RAPGEF2: variants seen among roughly 807,000 people sequenced by gnomAD.
RAPGEF2 encodes the protein Rap guanine nucleotide exchange factor 2, also known as PDZ domain containing guanine nucleotide exchange factor (GEF) 1.
In RAPGEF2, 54 loss-of-function variants were observed where a neutral mutation model predicts 186.7. The ratio of observed to expected loss-of-function variants is 0.29; its 90% CI spans 0.23 to 0.36. The LOEUF (loss-of-function observed/expected upper bound fraction) is 0.36, where lower values mean the gene tolerates loss of function less well. Ranked by LOEUF, RAPGEF2 falls within the 10% of genes least tolerant of loss-of-function variation. The pLI is 1.00. For synonymous variants in RAPGEF2, 712 were observed against 705.9 expected, an observed-to-expected ratio of 1.01 and a Z score of -0.14; for missense variants, 1,532 against 2,045.0, an observed-to-expected ratio of 0.75 and a Z score of 4.84.
intron 4 of RAPGEF2, among the ~76,000 whole-genome samples, chr4:159,227,665 T>G (rs1471284649): frequency 6.6e-6 from 1 of 152,194 alleles, no homozygotes; most frequent in Non-Finnish European, 1.5e-5. Context: ...CAAAGTGTAG[T>G]CATCACACCA....
chr4:159,124,754 C>T (rs190602058), intron 1 of RAPGEF2, among the ~76,000 whole-genome samples: 1 of 152,154 alleles, frequency 6.6e-6, no homozygotes, highest in East Asian at 1.9e-4. Flanking sequence ...TGTAGTAACT[C>T]TAAGAAAGTA....
At chr4:159,152,021 A>G (rs1743597972) in intron 1 of RAPGEF2, among the ~76,000 whole-genome samples, 1 of 152,158 alleles carries the variant, frequency 6.6e-6, no homozygotes, top group African/African-American at 2.4e-5. Flanking sequence ...AAGGTTTTGT[A>G]CTATTTAAAT....
intron 1 of RAPGEF2, among the ~76,000 whole-genome samples, chr4:159,131,839 A>T (rs537921011): frequency 6.6e-6 from 1 of 152,004 alleles, no homozygotes; most frequent in African/African-American, 2.4e-5. Flanking sequence ...CTTTGTTAAT[A>T]CTTAGCCTTT....
At chr4:159,120,059 G>A (rs1442122668) in intron 1 of RAPGEF2, among the ~76,000 whole-genome samples, 1 of 152,074 alleles carries the variant, frequency 6.6e-6, no homozygotes, top group African/African-American at 2.4e-5. Context: ...AGTCTCTGTT[G>A]TCCAGACTGG....
intron 7 of RAPGEF2, among the ~76,000 whole-genome samples, chr4:159,248,090 TTAAA>T (rs1477757594): frequency 6.6e-6 from 1 of 152,182 alleles, no homozygotes; most frequent in Non-Finnish European, 1.5e-5. Context: ...AAATAAAACT[TTAAA>T]TAGCTCTAAT....
chr4:159,223,130 T>A (rs1411695534), intron 4 of RAPGEF2, among the ~76,000 whole-genome samples: 1 of 152,100 alleles, frequency 6.6e-6, no homozygotes, highest in Non-Finnish European at 1.5e-5. Context: ...TTTAAAAGGA[T>A]CTGCAGTTAT....
At chr4:159,168,777 A>G (rs1377392734) in intron 1 of RAPGEF2, among the ~76,000 whole-genome samples, 1 of 152,182 alleles carries the variant, frequency 6.6e-6, no homozygotes, top group African/African-American at 2.4e-5. Context: ...ATGAGAAGTT[A>G]TGGGTATTTA....
At chr4:159,104,542 G>C (rs1431871651) in intron 1 of RAPGEF2, among the ~76,000 whole-genome samples, 1 of 129,960 alleles carries the variant, frequency 7.7e-6, no homozygotes, top group African/African-American at 3.2e-5. Context: ...GACAGAGAGA[G>C]AGAGAGAGAG....
At chr4:159,133,910 G>A (rs1195823898) in intron 1 of RAPGEF2, among the ~76,000 whole-genome samples, 1 of 151,900 alleles carries the variant, frequency 6.6e-6, no homozygotes, top group African/African-American at 2.4e-5. Context: ...ATAGTGATGG[G>A]GTTTCACCAT....
chr4:159,195,878 T>G (rs1423461180), intron 3 of RAPGEF2, among the ~76,000 whole-genome samples: 1 of 42,970 alleles, frequency 2.3e-5, no homozygotes, highest in African/African-American at 2.3e-4. Flanking sequence ...CATACCTGTT[T>G]TTTTTTTTTT....
intron 1 of RAPGEF2, among the ~76,000 whole-genome samples, chr4:159,105,822 G>A (rs918755546): frequency 6.6e-6 from 1 of 152,186 alleles, no homozygotes; most frequent in African/African-American, 2.4e-5. Flanking sequence ...TAAGTGCCAA[G>A]TGAAATTACG....
At chr4:159,145,100 C>T (rs931595509) in intron 1 of RAPGEF2, among the ~76,000 whole-genome samples, 8 of 151,684 alleles carry the variant, frequency 5.3e-5, no homozygotes, top group Non-Finnish European at 1.0e-4. Flanking sequence ...AGGCTGGTCT[C>T]GAACTCCTAG....
chr4:159,319,790 G>T (rs916432429), intron 9 of RAPGEF2, among the ~76,000 whole-genome samples: 2 of 151,136 alleles, frequency 1.3e-5, no homozygotes, highest in Non-Finnish European at 2.9e-5. Flanking sequence ...AATGCTAGCC[G>T]CTACTTATAT....
chr4:159,285,833 G>A lies in RAPGEF2; in HGVS notation c.544-18509G>A, dbSNP rs182249785. Among the ~76,000 whole-genome samples the A allele has an allele frequency of 3.4e-3, 521 of 152,196 alleles. 4 individuals are homozygous for A. Among genetic ancestry groups the A allele is most frequent in the African/African-American group, 0.012 (504 of 41,530 alleles). ...TTGATCATCATTGTTGTACTTGTAT[G>A]TGTTAACTTGTAAGCACTCAATGAG... On this transcript the variant is annotated intron_variant, in intron 7 of 29. Transcript: ENST00000691494.
intron 4 of RAPGEF2, among the ~76,000 whole-genome samples, chr4:159,227,553 G>T (rs1325351480): frequency 6.6e-6 from 1 of 152,224 alleles, no homozygotes; most frequent in Admixed American, 6.5e-5. Context: ...AAAGCACTGT[G>T]ATCAGCAGAG....
At chr4:159,317,002 A>G (rs1286393885) in intron 9 of RAPGEF2, among the ~76,000 whole-genome samples, 2 of 151,518 alleles carry the variant, frequency 1.3e-5, no homozygotes, top group Non-Finnish European at 2.9e-5. Flanking sequence ...CTGTTGTACC[A>G]CTCCCCCAAC....
rs1221269688 is a variant in RAPGEF2, at chr4:159,128,940, G to GTA, written c.69+24710_69+24711insAT. On this transcript the variant is annotated intron_variant, in intron 1 of 29. Transcript: ENST00000691494. ...ATGGGGGGTGTGTGTGTGTGTGTGT[G>GTA]TGTGTATATATATATATATATAAAT... 2.4e-3 allele frequency: 350 copies of GTA among 144,032 alleles called. 1 individual carries two copies. Among genetic ancestry groups the GTA allele is most frequent in the African/African-American group, 8.5e-3 (324 of 38,330 alleles). 8.9% of individuals were successfully genotyped at this position (144,032 alleles called of 1,614,324 possible). A position where few individuals can be genotyped will look rare whatever the true frequency, so the allele number is the denominator to read the frequency against.
At chr4:159,112,456 A>G (rs1454351231) in intron 1 of RAPGEF2, among the ~76,000 whole-genome samples, 8 of 152,176 alleles carry the variant, frequency 5.3e-5, no homozygotes, top group Admixed American at 6.5e-5. Context: ...AAAAAATAAA[A>G]TCAGAAGGAA....
At position 159,219,800 on chromosome 4, in the gene RAPGEF2, C is replaced by T. The variant is rs115381072; in HGVS notation, c.281+9217C>T. 9.1e-3 allele frequency among the ~76,000 whole-genome samples: 1,382 copies of T among 152,294 alleles called. 17 individuals are homozygous for T. The highest frequency in any genetic ancestry group is 0.032 in the African/African-American group (1,331 of 41,554). On this transcript the variant is annotated intron_variant, in intron 4 of 29. Transcript: ENST00000691494. ...AGATTCCTTACCTTAGTGCTTAGTC[C>T]GTACTAATGAGCTCTTTTATCCTGA...
Sources: allele counts gnomAD v4.1 joint callset (sites outside exome capture counted in the v4.1 genomes callset), GRCh38; gene constraint gnomAD v4.1.1; transcripts MANE v1.5; gene names NCBI Gene and HGNC (gene_info 2026-07-23, HGNC 2026-07-21).